LOC400499: variants seen among roughly 807,000 people sequenced by gnomAD.
chr16:11,380,192 G>C, the LOC400499 span, among the ~76,000 whole-genome samples: 94,052 of 151,584 alleles, frequency 0.62, 30,159 homozygotes, highest in African/African-American at 0.76. Context: ...AGAGATGAAT[G>C]AAAATTACAA....
At chr16:11,490,995 T>C in the LOC400499 span, among the ~76,000 whole-genome samples, 1 of 152,232 alleles carries the variant, frequency 6.6e-6, no homozygotes, top group Non-Finnish European at 1.5e-5. Flanking sequence ...AAAGCAACAG[T>C]CACACATATG....
At chr16:11,412,356 C>A in the LOC400499 span, among the ~76,000 whole-genome samples, 1 of 152,208 alleles carries the variant, frequency 6.6e-6, no homozygotes, top group African/African-American at 2.4e-5. Flanking sequence ...TCCTCCTCCC[C>A]ACTGTAGCAA....
chr16:11,471,723 C>T, the LOC400499 span: 1 of 399,276 alleles, frequency 2.5e-6, no homozygotes, highest in Non-Finnish European at 4.4e-6. Flanking sequence ...TCTGCAGCGT[C>T]ACGGCCGCGA....
the LOC400499 span, among the ~76,000 whole-genome samples, chr16:11,481,200 G>A: frequency 6.6e-6 from 1 of 152,368 alleles, no homozygotes; most frequent in East Asian, 1.9e-4. Context: ...GCTAGGAGGA[G>A]GGGCTGCTGG....
the LOC400499 span, chr16:11,477,992 T>A: frequency 2.5e-6 from 1 of 398,776 alleles, no homozygotes; most frequent in East Asian, 3.6e-5. Context: ...CCGGTTCATC[T>A]GCACCTCCTG....
the LOC400499 span, among the ~76,000 whole-genome samples, chr16:11,527,104 C>G: frequency 6.6e-6 from 1 of 152,358 alleles, no homozygotes; most frequent in South Asian, 2.1e-4. Context: ...AGCAGTTTTA[C>G]TTACTCTCCG....
chr16:11,386,276 C>A, the LOC400499 span, among the ~76,000 whole-genome samples: 1 of 152,278 alleles, frequency 6.6e-6, no homozygotes, highest in South Asian at 2.1e-4. Flanking sequence ...TTGCCCGTGG[C>A]CAGGAAGCAC....
At chr16:11,486,182 G>A in the LOC400499 span, among the ~76,000 whole-genome samples, 65 of 148,286 alleles carry the variant, frequency 4.4e-4, no homozygotes, top group African/African-American at 1.5e-3. Context: ...GAGGGTGGGC[G>A]GATAAATGAT....
chr16:11,478,062 C>T, the LOC400499 span: 1 of 395,862 alleles, frequency 2.5e-6, no homozygotes. Flanking sequence ...CCTGTAATCC[C>T]AGCACTTTGG....
At chr16:11,394,279 C>T in the LOC400499 span, among the ~76,000 whole-genome samples, 3 of 152,180 alleles carry the variant, frequency 2.0e-5, no homozygotes, top group Admixed American at 1.3e-4. Flanking sequence ...CCAGGACAGG[C>T]GAGTCTAGAA....
the LOC400499 span, chr16:11,471,625 G>C: frequency 0.34 from 137,473 of 398,780 alleles, 25,995 homozygotes; most frequent in African/African-American, 0.57. Flanking sequence ...ACATGGCTGA[G>C]AAAGACGGGG....
At chr16:11,415,852 G>A in the LOC400499 span, among the ~76,000 whole-genome samples, 4 of 152,086 alleles carry the variant, frequency 2.6e-5, no homozygotes, top group East Asian at 7.7e-4. Flanking sequence ...AACAAACCCT[G>A]AGGTCAACTC....
the LOC400499 span, among the ~76,000 whole-genome samples, chr16:11,411,715 G>C: frequency 6.6e-6 from 1 of 152,056 alleles, no homozygotes; most frequent in African/African-American, 2.4e-5. Context: ...TTCTTGGGTT[G>C]GTCCCATGGG....
the LOC400499 span, among the ~76,000 whole-genome samples, chr16:11,407,977 T>G: frequency 7.3e-6 from 1 of 137,534 alleles, no homozygotes; most frequent in Non-Finnish European, 1.6e-5. Context: ...GCTGTTTTTT[T>G]TTTTTTTTTT....
At chr16:11,373,780 C>T in the LOC400499 span, among the ~76,000 whole-genome samples, 3 of 152,070 alleles carry the variant, frequency 2.0e-5, no homozygotes, top group East Asian at 1.9e-4. Flanking sequence ...CCACTATGCC[C>T]GGCTAATTTT....
the LOC400499 span, among the ~76,000 whole-genome samples, chr16:11,405,162 C>T: frequency 5.3e-5 from 8 of 152,306 alleles, no homozygotes; most frequent in East Asian, 7.7e-4. Flanking sequence ...CCTCTCTGAG[C>T]CTCAGTTTCC....
the LOC400499 span, among the ~76,000 whole-genome samples, chr16:11,401,734 G>A: frequency 4.9e-4 from 74 of 152,328 alleles, no homozygotes; most frequent in Non-Finnish European, 8.8e-4. Context: ...ATCTGAACAC[G>A]GGCCCATTAA....
the LOC400499 span, among the ~76,000 whole-genome samples, chr16:11,504,649 G>C: frequency 6.6e-6 from 1 of 152,100 alleles, no homozygotes; most frequent in Non-Finnish European, 1.5e-5. Flanking sequence ...AAGGCTGGGT[G>C]CAGTGGCTCA....
chr16:11,520,664 CAAAAAAAAAAAA>C, the LOC400499 span, among the ~76,000 whole-genome samples: 4 of 63,152 alleles, frequency 6.3e-5, no homozygotes, highest in South Asian at 7.0e-4. Flanking sequence ...GAGACTCCAT[CAAAAAAAAAAAA>C]AAAAAAAAAA....
Sources: gnomAD v4.1 joint callset for allele counts (sites outside exome capture counted in the v4.1 genomes callset) on GRCh38, gnomAD v4.1.1 for gene constraint, MANE v1.5 for transcripts.